SCTR: variants seen among roughly 807,000 people sequenced by gnomAD.
The protein encoded by SCTR is secretin receptor.
In SCTR, 56 loss-of-function variants were observed where a neutral mutation model predicts 60.8. The observed-to-expected ratio is 0.92, with a 90% CI of 0.74 to 1.15. SCTR has a LOEUF of 1.15. Ranked by LOEUF, SCTR falls within the 50% of genes most tolerant of loss-of-function variation. The probability of loss-of-function intolerance (pLI) is 0.00; values close to 1 mark genes in which losing one functional copy is unlikely to be tolerated. For missense variants in SCTR, 562 were observed against 550.4 expected (o/e 1.02, Z -0.21); for synonymous variants, 202 against 217.0 (o/e 0.93, Z 0.61).
At position 119,458,586 on chromosome 2, in the gene SCTR, GC is replaced by G. The variant is rs367678858; in HGVS notation, c.790+3260del. ...ACTGCACTCCAGCCTGGGCAACAGG[GC>G]AAGACTCTCTCTCAAAAAAAAAAAA... On this transcript the variant is annotated intron_variant, in intron 7 of 12. Transcript: ENST00000019103. 9.9e-3 allele frequency among the ~76,000 whole-genome samples: 1,482 copies of G among 149,132 alleles called. 22 individuals are homozygous for G. Among genetic ancestry groups the G allele is most frequent in the African/African-American group, 0.035 (1,395 of 39,668 alleles).
Position 119,494,464 on chromosome 2 carries a change from GCT to G in SCTR, c.155_156del (p.Glu52AlafsTer15). 3 of 1,613,974 alleles carry G rather than the reference GCT, an allele frequency of 1.9e-6. No individual in the cohort carries two copies. Among genetic ancestry groups the G allele is most frequent in the Non-Finnish European group, 2.5e-6 (3 of 1,179,898 alleles). Reference protein sequence around the residue: ...QDQCLQELSREQTGDLGTEQP... With the variant: ...QDQCLQELSRXQTGDLGTEQP... ...TGCTCCGTGCCCAGGTCTCCTGTCTGCTCTCTGGAGAGTTCCTGCAGGCACTG... is the reference window on the plus strand; with the variant it reads ...TGCTCCGTGCCCAGGTCTCCTGTCTGCTCTGGAGAGTTCCTGCAGGCACTG... On this transcript the variant is annotated frameshift_variant, in exon 2 of 13. Transcript: ENST00000019103. LOFTEE classifies it high-confidence loss of function.
intron 1 of SCTR, among the ~76,000 whole-genome samples, chr2:119,515,545 G>A (rs1039851312): frequency 6.6e-6 from 1 of 152,132 alleles, no homozygotes; most frequent in Non-Finnish European, 1.5e-5. Context: ...AACAAAAAAG[G>A]CAGAGAAAGG....
chr2:119,456,685 G>C (rs974268725), intron 7 of SCTR, among the ~76,000 whole-genome samples: 1 of 152,146 alleles, frequency 6.6e-6, no homozygotes, highest in Admixed American at 6.6e-5. Flanking sequence ...TAAAATTCAT[G>C]TCAACCCAGC....
At chr2:119,448,013 A>G (rs758189289) in intron 10 of SCTR, among the ~76,000 whole-genome samples, 22 of 152,306 alleles carry the variant, frequency 1.4e-4, no homozygotes, top group Admixed American at 3.3e-4. Context: ...CTAAGTTACA[A>G]CAAGGATGGA....
intron 7 of SCTR, among the ~76,000 whole-genome samples, chr2:119,460,244 A>G (rs1053626390): frequency 3.3e-5 from 5 of 152,106 alleles, no homozygotes; most frequent in African/African-American, 1.2e-4. Flanking sequence ...TAAAGGCACC[A>G]GGAAGAAACC....
At chr2:119,490,262 C>T (rs866149605) in intron 2 of SCTR, among the ~76,000 whole-genome samples, 1 of 152,194 alleles carries the variant, frequency 6.6e-6, no homozygotes, top group Non-Finnish European at 1.5e-5. Context: ...TGTCCCTGTC[C>T]CTTGCGCAGT....
chr2:119,473,780 A>G (rs531110768), intron 3 of SCTR, among the ~76,000 whole-genome samples: 2 of 152,226 alleles, frequency 1.3e-5, no homozygotes, highest in South Asian at 4.2e-4. Flanking sequence ...AGCACACACC[A>G]CGTGCCAGTC....
At chr2:119,501,238 G>T (rs918527676) in intron 1 of SCTR, among the ~76,000 whole-genome samples, 2 of 152,040 alleles carry the variant, frequency 1.3e-5, no homozygotes, top group African/African-American at 2.4e-5. Flanking sequence ...GTGAAACCCT[G>T]TCTCTACTAA....
chr2:119,518,594 A>G (rs4848548), intron 1 of SCTR, among the ~76,000 whole-genome samples: 5,677 of 152,322 alleles, frequency 0.037, 148 homozygotes, highest in South Asian at 0.081. Context: ...CCAGGAGTCC[A>G]TAGGAATGCT....
chr2:119,514,413 G>A (rs192184116), intron 1 of SCTR, among the ~76,000 whole-genome samples: 421 of 152,302 alleles, frequency 2.8e-3, no homozygotes, highest in African/African-American at 9.7e-3. Flanking sequence ...ATACTATCCT[G>A]TAGAAAGCAA....
At chr2:119,504,390 C>G (rs968219468) in intron 1 of SCTR, among the ~76,000 whole-genome samples, 5 of 151,862 alleles carry the variant, frequency 3.3e-5, no homozygotes, top group Non-Finnish European at 5.9e-5. Flanking sequence ...ATCGGGAGTT[C>G]GAGATCAGCC....
chr2:119,467,163 C>A (rs13430420), intron 4 of SCTR, among the ~76,000 whole-genome samples: 1 of 151,744 alleles, frequency 6.6e-6, no homozygotes, highest in Admixed American at 6.6e-5. Context: ...GTGGATCACT[C>A]GAGGTTAGAG....
chr2:119,512,540 G>A (rs922426261), intron 1 of SCTR, among the ~76,000 whole-genome samples: 1 of 147,036 alleles, frequency 6.8e-6, no homozygotes, highest in African/African-American at 2.7e-5. Context: ...GGGATTACAG[G>A]TGCGTGCCAC....
At chr2:119,442,511 G>C (rs937126028) in intron 11 of SCTR, among the ~76,000 whole-genome samples, 5 of 152,226 alleles carry the variant, frequency 3.3e-5, no homozygotes, top group Admixed American at 6.5e-5. Context: ...TATGATATTG[G>C]AAAGGAACCT....
At position 119,451,923 on chromosome 2, in the gene SCTR, C is replaced by G. The variant is rs1430981789; in HGVS notation, c.921+87G>C. On this transcript the variant is annotated intron_variant, in intron 9 of 12. Coordinates refer to ENST00000019103, the MANE Select transcript of SCTR (RefSeq NM_002980.3). ...TCCCTCCTGGCACCTGCAGGGAGCCCTGTCCTTCCACCCTCTGCCCCTGTG... is the reference window on the plus strand; with the variant it reads ...TCCCTCCTGGCACCTGCAGGGAGCCGTGTCCTTCCACCCTCTGCCCCTGTG... 1.1e-5 allele frequency: 9 copies of G among 828,494 alleles called. No homozygotes were observed. In the Admixed American group the frequency reaches 1.8e-4, roughly 17 times the overall value. The allele number at this position is 828,494 out of a possible 1,614,324, so 51.3% of individuals were successfully genotyped here. A position where few individuals can be genotyped will look rare whatever the true frequency, so the allele number is the denominator to read the frequency against.
chr2:119,492,341 A>G (rs751373418), intron 2 of SCTR, among the ~76,000 whole-genome samples: 46 of 152,240 alleles, frequency 3.0e-4, no homozygotes, highest in Non-Finnish European at 5.3e-4. Context: ...CTAAGTGATG[A>G]GAGCACAGCC....
At chr2:119,457,907 G>C (rs1683436303) in intron 7 of SCTR, among the ~76,000 whole-genome samples, 1 of 152,164 alleles carries the variant, frequency 6.6e-6, no homozygotes, top group Admixed American at 6.5e-5. Flanking sequence ...GTGAAGGCAG[G>C]AGATTTAGCT....
At chr2:119,447,217 T>C (rs17015910) in intron 10 of SCTR, among the ~76,000 whole-genome samples, 6,123 of 152,062 alleles carry the variant, frequency 0.04, 397 homozygotes, top group African/African-American at 0.14. Context: ...TCTAACATCA[T>C]ACAAGCAAAG....
intron 11 of SCTR, among the ~76,000 whole-genome samples, chr2:119,442,390 C>T (rs1006936708): frequency 2.0e-5 from 3 of 152,214 alleles, no homozygotes; most frequent in Admixed American, 2.0e-4. Context: ...CAGGGACCCA[C>T]CTCAGGCCAC....
Sources: allele counts gnomAD v4.1 joint callset (sites outside exome capture counted in the v4.1 genomes callset), GRCh38; gene constraint gnomAD v4.1.1; transcripts MANE v1.5; gene names NCBI Gene and HGNC (gene_info 2026-07-23, HGNC 2026-07-21).